TSNAXIP1: variants seen among roughly 807,000 people sequenced by gnomAD.
TSNAXIP1 encodes the protein translin associated factor X interacting protein 1, also known as translin-associated factor X-interacting protein 1.
Under a neutral mutation model 84.8 loss-of-function variants are expected in TSNAXIP1, and 89 were observed. The ratio of observed to expected loss-of-function variants is 1.05; its 90% confidence interval spans 0.88 to 1.25. The LOEUF (loss-of-function observed/expected upper bound fraction) is 1.25, where lower values mean the gene tolerates loss of function less well. Among genes scored for constraint, TSNAXIP1 ranks in the 50% most tolerant of loss-of-function variants. The pLI, the probability that TSNAXIP1 is intolerant of heterozygous loss-of-function variation, is 0.00. For missense variants in TSNAXIP1, 874 were observed against 887.6 expected (o/e 0.98, Z 0.20); for synonymous variants, 347 against 335.2 (o/e 1.04, Z -0.39).
intron 1 of TSNAXIP1, among the ~76,000 whole-genome samples, chr16:67,812,095 G>C (rs1356628059): frequency 6.6e-6 from 1 of 152,124 alleles, no homozygotes; most frequent in African/African-American, 2.4e-5. Context: ...GAGATGTTAA[G>C]CGGCATGCCC....
Position 67,827,040 on chromosome 16 carries a change from G to A in TSNAXIP1, c.1632G>A (p.Gln544=). The change falls in exon 13 of 16, where the codon CAG becomes CAA. Residue 544 remains glutamine, a synonymous_variant. Transcript: ENST00000561639. The part of the protein sequence containing the change: ...LLKEMTNADS[Q]NEGLLTMEQF... ...AGGAGATGACAAATGCTGACAGTCA[G>A]AACGAGGGGCTACTAACCATGGAGC... The A allele has an allele frequency of 6.2e-7, 1 of 1,614,178 alleles. No individual in the cohort carries two copies.
At chr16:67,818,051 A>T (rs2056736582) in intron 2 of TSNAXIP1, among the ~76,000 whole-genome samples, 1 of 150,924 alleles carries the variant, frequency 6.6e-6, no homozygotes, top group African/African-American at 2.4e-5. Flanking sequence ...TCTACTAAAA[A>T]TACAAAAATT....
Position 67,827,898 on chromosome 16 carries a change from G to T in TSNAXIP1, c.2044G>T (p.Glu682Ter). ...GCCAGAGGAGGGTGACGAGAAGGAA[G>T]AAGCCGTGGTGGAAATCCTCCAGAC... ...EMPEEGDEKE[E>*]AVVEILQTAL... The change falls in exon 16 of 16, where the codon GAA (glutamate) becomes TAA (stop). Residue 682 changes from glutamate to a stop codon, truncating the protein, a stop_gained. Transcript: ENST00000561639. LOFTEE classifies it low-confidence loss of function (END_TRUNC). 1 of 1,614,126 alleles carries T rather than the reference G, an allele frequency of 6.2e-7. No individual in the cohort carries two copies. Among genetic ancestry groups the T allele is most frequent in the Non-Finnish European group, 8.5e-7 (1 of 1,180,048 alleles).
intron 2 of TSNAXIP1, among the ~76,000 whole-genome samples, chr16:67,815,643 A>C (rs1243877496): frequency 6.7e-4 from 102 of 151,454 alleles, no homozygotes; most frequent in African/African-American, 2.4e-3. Context: ...AGACTACAGG[A>C]GTGCGCCACC....
Position 67,827,596 on chromosome 16 carries a change from C to T in TSNAXIP1, c.1898+17C>T, listed in dbSNP as rs1358226858. The T allele has an allele frequency of 2.5e-6, 4 of 1,613,556 alleles. No individual in the cohort carries two copies. Among genetic ancestry groups the T allele is most frequent in the African/African-American group, 1.3e-5 (1 of 74,922 alleles). ...CATAGAACTGTGAGTGACCCTCATC[C>T]ATAGGCGAGTCCCACAGGCTGGGCC... On this transcript the variant is annotated intron_variant, in intron 15 of 15. Coordinates refer to ENST00000561639, the MANE Select transcript of TSNAXIP1 (RefSeq NM_001288990.3).
intron 5 of TSNAXIP1, 149 bp downstream of exon 5, chr16:67,823,868 A>G (rs2057251230): frequency 3.4e-6 from 2 of 582,380 alleles, no homozygotes; most frequent in South Asian, 1.9e-5. Flanking sequence ...AACACAAAAA[A>G]ATTAGCTGCG....
chr16:67,817,474 G>C (rs1026389219), intron 2 of TSNAXIP1, among the ~76,000 whole-genome samples: 5 of 130,670 alleles, frequency 3.8e-5, no homozygotes, highest in Non-Finnish European at 4.7e-5. Context: ...AGAGACGAGG[G>C]TTTCACCGTG....
chr16:67,825,652 C>A lies in TSNAXIP1; in HGVS notation c.815-15C>A, dbSNP rs904594676. ...GCCACGGTGACACGGGCTGGTGGGC[C>A]CCTTCCCCTGGCAGGCATCTGGGGG... On this transcript the variant is annotated splice_polypyrimidine_tract_variant and intron_variant, in intron 7 of 15. Transcript: ENST00000561639. The A allele has an allele frequency of 1.9e-6, 3 of 1,602,224 alleles. No individual in the cohort carries two copies. In the African/African-American group the frequency reaches 4.0e-5, roughly 21 times the overall value.
chr16:67,811,159 C>T (rs556618706), intron 1 of TSNAXIP1, among the ~76,000 whole-genome samples: 4 of 151,982 alleles, frequency 2.6e-5, no homozygotes, highest in African/African-American at 9.7e-5. Context: ...ACCTCGGCCT[C>T]CCAAAGTGCT....
intron 2 of TSNAXIP1, among the ~76,000 whole-genome samples, chr16:67,820,313 C>G (rs2056940208): frequency 6.6e-6 from 1 of 152,188 alleles, no homozygotes; most frequent in Non-Finnish European, 1.5e-5. Context: ...ACCATCATCC[C>G]TATTTTACAG....
At chr16:67,818,789 T>C (rs895155783) in intron 2 of TSNAXIP1, among the ~76,000 whole-genome samples, 1 of 151,548 alleles carries the variant, frequency 6.6e-6, no homozygotes, top group African/African-American at 2.4e-5. Flanking sequence ...CTGTGGCCTC[T>C]GCCTCCAGGG....
chr16:67,824,833 C>T (rs557023246), intron 6 of TSNAXIP1, 54 bp downstream of exon 6: 126 of 1,561,140 alleles, frequency 8.1e-5, no homozygotes, highest in South Asian at 7.2e-4. Flanking sequence ...GCCAACTCCA[C>T]GACAAGGGTG....
chr16:67,825,113 A>G (rs1179262840), intron 6 of TSNAXIP1, 24 bp from the exon 7 acceptor site: 3 of 1,611,516 alleles, frequency 1.9e-6, no homozygotes, highest in African/African-American at 1.3e-5. Context: ...GCAGCCCCTG[A>G]CCACACAGCC....
At chr16:67,823,600 G>C (rs1252274173) in intron 4 of TSNAXIP1, 26 bp from the exon 5 acceptor site, 1 of 1,597,636 alleles carries the variant, frequency 6.3e-7, no homozygotes, top group Non-Finnish European at 8.6e-7. Context: ...TGGGCTAGGA[G>C]ATGATGGGTT....
intron 7 of TSNAXIP1, 83 bp from the exon 8 acceptor site, chr16:67,825,584 C>G (rs1189530650): frequency 1.3e-6 from 2 of 1,521,058 alleles, no homozygotes; most frequent in East Asian, 2.3e-5. Flanking sequence ...ACCAGGGAAC[C>G]CCAAACAGGA....
At chr16:67,821,521 G>A (rs1256584134) in intron 4 of TSNAXIP1, among the ~76,000 whole-genome samples, 3 of 151,628 alleles carry the variant, frequency 2.0e-5, no homozygotes, top group African/African-American at 7.3e-5. Flanking sequence ...CGGTTGCAGT[G>A]AGACAAGATC....
chr16:67,814,436 C>A, intron 2 of TSNAXIP1, 35 bp downstream of exon 2: 1 of 1,498,030 alleles, frequency 6.7e-7, no homozygotes, highest in South Asian at 1.2e-5. Context: ...CCCCAAATGT[C>A]AGCCCCCAGA....
In TSNAXIP1 at chr16:67,823,981, C is replaced by T. The variant is rs147342636; in HGVS notation, c.481+262C>T. Among the ~76,000 whole-genome samples, 15 of 144,776 alleles carry T rather than the reference C, an allele frequency of 1.0e-4. No homozygotes were observed. In the South Asian group the frequency reaches 2.0e-3, roughly 19 times the overall value. The allele number at this position is 144,776 out of a possible 152,430, so 95.0% of individuals were successfully genotyped here. A position where few individuals can be genotyped will look rare whatever the true frequency, so the allele number is the denominator to read the frequency against. On this transcript the variant is annotated intron_variant, in intron 5 of 15. Transcript: ENST00000561639. The stretch of plus-strand genomic sequence containing the variant: ...TTGCAGTGAGTTGAGATCACACCAC[C>T]GCACTCCAGCCTGGGCAAAAGAACA...
At chr16:67,817,597 A>G (rs1039287549) in intron 2 of TSNAXIP1, among the ~76,000 whole-genome samples, 6 of 146,944 alleles carry the variant, frequency 4.1e-5, no homozygotes. Flanking sequence ...GGTCTTTTAC[A>G]AGTCTGAAAA....
Sources: gnomAD v4.1 joint callset for allele counts (sites outside exome capture counted in the v4.1 genomes callset) on GRCh38, gnomAD v4.1.1 for gene constraint, MANE v1.5 for transcripts, NCBI Gene and HGNC (gene_info 2026-07-23, HGNC 2026-07-21) for gene names.